ANKS1B: variants seen among roughly 807,000 people sequenced by gnomAD.
ANKS1B encodes ankyrin repeat and sterile alpha motif domain-containing protein 1B.
A neutral mutation model predicts 148.3 loss-of-function variants in ANKS1B; 36 were observed. That is an observed-to-expected ratio of 0.24 (90% CI 0.19 to 0.32). ANKS1B has a LOEUF of 0.32. Ranked by LOEUF, ANKS1B falls within the 10% of genes least tolerant of loss-of-function variation. The pLI, the probability that ANKS1B is intolerant of heterozygous loss-of-function variation, is 1.00. For missense variants in ANKS1B, 1,157 were observed against 1,542.6 expected (o/e 0.75, Z 4.19); for synonymous variants, 542 against 560.8 (o/e 0.97, Z 0.47).
chr12:99,718,906 T>G (rs538113787), intron 8 of ANKS1B, among the ~76,000 whole-genome samples: 4 of 152,282 alleles, frequency 2.6e-5, no homozygotes, highest in Non-Finnish European at 5.9e-5. Context: ...AGACCAAGTT[T>G]CATCCTCATC....
intron 25 of ANKS1B, among the ~76,000 whole-genome samples, chr12:98,766,646 G>A (rs970636369): frequency 1.6e-4 from 25 of 152,154 alleles, no homozygotes; most frequent in African/African-American, 6.0e-4. Flanking sequence ...TAATTCAATT[G>A]TCAGAGGTGA....
intron 1 of ANKS1B, among the ~76,000 whole-genome samples, chr12:99,886,339 A>G (rs372429708): frequency 6.6e-6 from 1 of 152,248 alleles, no homozygotes. Flanking sequence ...AGAAATTGTT[A>G]TCAGAATACA....
intron 15 of ANKS1B, among the ~76,000 whole-genome samples, chr12:99,142,570 A>C (rs1245842845): frequency 1.3e-5 from 2 of 152,148 alleles, no homozygotes; most frequent in African/African-American, 4.8e-5. Context: ...AGCATTATGC[A>C]AGAACTAAAA....
At chr12:99,521,726 A>ATCTCTCTCTC (rs202020332) in intron 9 of ANKS1B, among the ~76,000 whole-genome samples, 4 of 150,572 alleles carry the variant, frequency 2.7e-5, no homozygotes, top group African/African-American at 7.4e-5. Flanking sequence ...CTCTCTCTCA[A>ATCTCTCTCTC]TCTCTCGCTC....
intron 17 of ANKS1B, among the ~76,000 whole-genome samples, chr12:98,943,927 C>A (rs1486425526): frequency 6.6e-6 from 1 of 152,116 alleles, no homozygotes; most frequent in Non-Finnish European, 1.5e-5. Context: ...TGGGGTGGAT[C>A]CCTCGTGAAT....
chr12:99,008,720 A>G (rs1260975939), intron 17 of ANKS1B, among the ~76,000 whole-genome samples: 1 of 152,202 alleles, frequency 6.6e-6, no homozygotes, highest in African/African-American at 2.4e-5. Context: ...AATCCCAAAA[A>G]TATAAAAGAA....
At chr12:99,665,537 A>T (rs2098502020) in intron 8 of ANKS1B, among the ~76,000 whole-genome samples, 1 of 151,018 alleles carries the variant, frequency 6.6e-6, no homozygotes, top group East Asian at 2.0e-4. Context: ...GGCTGGATGG[A>T]GTGCAGTGGC....
chr12:99,518,500 T>C (rs748191302), intron 9 of ANKS1B, among the ~76,000 whole-genome samples: 8 of 152,106 alleles, frequency 5.3e-5, no homozygotes, highest in African/African-American at 1.2e-4. Flanking sequence ...TATCGGCCTA[T>C]AGTTACTCAT....
intron 17 of ANKS1B, among the ~76,000 whole-genome samples, chr12:98,952,379 C>T (rs115150507): frequency 6.8e-4 from 103 of 152,322 alleles, no homozygotes; most frequent in African/African-American, 2.3e-3. Flanking sequence ...GGATGGAATA[C>T]AAATGTGCTT....
At chr12:99,032,482 C>T (rs2099952840) in intron 17 of ANKS1B, among the ~76,000 whole-genome samples, 1 of 152,188 alleles carries the variant, frequency 6.6e-6, no homozygotes, top group African/African-American at 2.4e-5. Context: ...TTCGTCTTGT[C>T]TTTACATGGC....
chr12:99,115,922 G>A (rs6538899), intron 15 of ANKS1B, among the ~76,000 whole-genome samples: 94,297 of 141,708 alleles, frequency 0.67, 31,128 homozygotes, highest in East Asian at 0.89. Flanking sequence ...ACAAGAGCGA[G>A]ACTCCGTCTC....
intron 18 of ANKS1B, chr12:98,831,813 A>T: frequency 3.5e-6 from 2 of 565,220 alleles, no homozygotes; most frequent in South Asian, 4.1e-5. Flanking sequence ...CAGTGGTGCG[A>T]TCTCTGCTCA....
chr12:99,824,499 C>CAAA (rs530267431), intron 2 of ANKS1B, among the ~76,000 whole-genome samples: 1 of 93,480 alleles, frequency 1.1e-5, no homozygotes. Flanking sequence ...GACTCTGTCT[C>CAAA]AAAAAAAAAA....
chr12:99,667,965 G>A (rs1168185495), intron 8 of ANKS1B, among the ~76,000 whole-genome samples: 3 of 152,054 alleles, frequency 2.0e-5, no homozygotes, highest in Non-Finnish European at 2.9e-5. Context: ...TGAGGATTTT[G>A]TTACTGTGTT....
At chr12:99,484,710 G>A (rs1395148206) in intron 10 of ANKS1B, among the ~76,000 whole-genome samples, 3 of 147,276 alleles carry the variant, frequency 2.0e-5, no homozygotes. Flanking sequence ...ATATCTTTTT[G>A]CTGGGTTGAC....
chr12:99,153,113 T>C (rs1001230045), intron 15 of ANKS1B, among the ~76,000 whole-genome samples: 1 of 152,182 alleles, frequency 6.6e-6, no homozygotes, highest in Non-Finnish European at 1.5e-5. Context: ...TATTTATGTC[T>C]TTTTTATTTT....
intron 12 of ANKS1B, among the ~76,000 whole-genome samples, chr12:99,369,791 T>TAGATAGATAGATAGAC (rs879173702): frequency 2.1e-4 from 32 of 148,892 alleles, no homozygotes; most frequent in African/African-American, 4.2e-4. Context: ...GATAGATAGA[T>TAGATAGATAGATAGAC]GGACGGACGG....
intron 10 of ANKS1B, among the ~76,000 whole-genome samples, chr12:99,504,265 A>G (rs1229352639): frequency 6.6e-6 from 1 of 152,196 alleles, no homozygotes. Context: ...TACCATGTCC[A>G]TTATGGCTTT....
intron 1 of ANKS1B, among the ~76,000 whole-genome samples, chr12:99,891,747 T>C (rs2093122017): frequency 6.6e-6 from 1 of 152,150 alleles, no homozygotes; most frequent in Non-Finnish European, 1.5e-5. Flanking sequence ...ATATTAAGGA[T>C]TTATTAGGGT....
Sources: allele counts gnomAD v4.1 joint callset (sites outside exome capture counted in the v4.1 genomes callset), GRCh38; gene constraint gnomAD v4.1.1; transcripts MANE v1.5; gene names NCBI Gene and HGNC (gene_info 2026-07-23, HGNC 2026-07-21).